The following PAX2 variants were observed in gnomAD, a reference collection of about 807,000 sequenced individuals.
PAX2 encodes the protein paired box protein Pax-2.
Under a neutral mutation model 41.7 loss-of-function variants are expected in PAX2, and 9 were observed. The observed-to-expected ratio is 0.22, with a 90% confidence interval of 0.13 to 0.38. PAX2 has a LOEUF of 0.38. PAX2 is among the 10% of genes least tolerant of loss of function. PAX2 has a pLI of 1.00. For missense variants in PAX2, 418 were observed against 531.6 expected, an observed-to-expected ratio of 0.79 and a Z score of 2.10; for synonymous variants, 221 against 212.7, an observed-to-expected ratio of 1.04 and a Z score of -0.34.
intron 3 of PAX2, among the ~76,000 whole-genome samples, chr10:100,756,957 C>A (rs997546497): frequency 1.3e-5 from 2 of 152,208 alleles, no homozygotes; most frequent in Non-Finnish European, 1.5e-5. Context: ...GTCTCACAAC[C>A]AATGCCCAAA....
chr10:100,813,957 G>C (rs999401299), intron 7 of PAX2, among the ~76,000 whole-genome samples: 2 of 152,156 alleles, frequency 1.3e-5, no homozygotes, highest in Non-Finnish European at 2.9e-5. Flanking sequence ...GGGAAAGTTA[G>C]TAGAAGCAAT....
intron 5 of PAX2, among the ~76,000 whole-genome samples, chr10:100,805,571 G>A (rs1376021542): frequency 6.6e-6 from 1 of 152,218 alleles, no homozygotes; most frequent in Non-Finnish European, 1.5e-5. Context: ...AACGCCTGAG[G>A]AAAGGGGACA....
rs113931113 is a variant in PAX2, at chr10:100,766,262, C to G, written c.411-13236C>G. Among the ~76,000 whole-genome samples, 439 of 152,338 alleles carry G rather than the reference C, an allele frequency of 2.9e-3. 1 individual carries two copies. The highest frequency in any genetic ancestry group is 9.7e-3 in the African/African-American group (405 of 41,576). ...ACTCTGTATATTTTGCAGTCTCTTA[C>G]AAGCTCAAAACAGGAAACCTGCACC... On this transcript the variant is annotated intron_variant, in intron 3 of 9. Coordinates refer to ENST00000355243, the MANE Select transcript of PAX2 (RefSeq NM_000278.5).
At chr10:100,773,562 T>C (rs765904035) in intron 3 of PAX2, among the ~76,000 whole-genome samples, 2 of 152,226 alleles carry the variant, frequency 1.3e-5, no homozygotes, top group Non-Finnish European at 1.5e-5. Flanking sequence ...GATAGATGAA[T>C]AGATACATTT....
intron 3 of PAX2, among the ~76,000 whole-genome samples, chr10:100,762,095 G>A (rs190983323): frequency 3.9e-5 from 6 of 152,060 alleles, no homozygotes; most frequent in East Asian, 3.8e-4. Context: ...TCGGCATGGC[G>A]GCTCACACCT....
chr10:100,774,990 G>C (rs1846334614), intron 3 of PAX2, among the ~76,000 whole-genome samples: 1 of 152,240 alleles, frequency 6.6e-6, no homozygotes, highest in African/African-American at 2.4e-5. Context: ...AAATGGTGGA[G>C]GAGAAAGAGC....
At chr10:100,814,049 T>C (rs1206195870) in intron 7 of PAX2, among the ~76,000 whole-genome samples, 3 of 152,078 alleles carry the variant, frequency 2.0e-5, no homozygotes, top group Non-Finnish European at 4.4e-5. Flanking sequence ...TGTTTAATAT[T>C]CTAAAAAAGA....
intron 3 of PAX2, among the ~76,000 whole-genome samples, chr10:100,772,893 C>T (rs1211212508): frequency 2.0e-5 from 3 of 152,212 alleles, no homozygotes; most frequent in Non-Finnish European, 4.4e-5. Context: ...TGGTGACATA[C>T]TTGGAGATCC....
chr10:100,788,855 T>C (rs1259700323), intron 5 of PAX2, among the ~76,000 whole-genome samples: 1 of 151,854 alleles, frequency 6.6e-6, no homozygotes, highest in African/African-American at 2.4e-5. Context: ...ACCTAATTCT[T>C]GCATGCACAC....
intron 3 of PAX2, among the ~76,000 whole-genome samples, chr10:100,763,482 G>C (rs906770782): frequency 6.6e-6 from 1 of 152,204 alleles, no homozygotes; most frequent in Non-Finnish European, 1.5e-5. Context: ...TTGAAAGGAG[G>C]CTGGGCTGGG....
chr10:100,742,656 T>A (rs989734656), upstream of PAX2, among the ~76,000 whole-genome samples: 10 of 151,690 alleles, frequency 6.6e-5, no homozygotes, highest in African/African-American at 2.2e-4. Context: ...GCGGGCTCCT[T>A]GTTTGAAGTG....
chr10:100,809,377 T>C lies in PAX2; in HGVS notation c.919+141T>C. On this transcript the variant is annotated intron_variant, in intron 7 of 9. Transcript: ENST00000355243. The stretch of plus-strand genomic sequence containing the variant: ...ACGAGGCTTCTAAAACCAGGGTGCT[T>C]CCTGAACAGGGGTGTGCAGATGTGG... 3.6e-6 allele frequency: 3 copies of C among 843,292 alleles called. No individual in the cohort carries two copies. The South Asian group carries it at 4.5e-5, about 13-fold the overall frequency. 52.2% of individuals were successfully genotyped at this position (843,292 alleles called of 1,614,324 possible).
intron 5 of PAX2, among the ~76,000 whole-genome samples, chr10:100,804,619 T>C (rs1259379828): frequency 6.6e-6 from 1 of 152,144 alleles, no homozygotes; most frequent in East Asian, 1.9e-4. Flanking sequence ...GCATGTGGCC[T>C]CACAGTCCTC....
At chr10:100,747,108 G>C (rs1457536053) in intron 1 of PAX2, 1 of 152,320 alleles carries the variant, frequency 6.6e-6, no homozygotes, top group African/African-American at 2.4e-5. Flanking sequence ...AAGTCAGGGA[G>C]AGAGCCAGCA....
At chr10:100,818,104 G>A (rs547635665) in intron 7 of PAX2, among the ~76,000 whole-genome samples, 1 of 152,322 alleles carries the variant, frequency 6.6e-6, no homozygotes, top group African/African-American at 2.4e-5. Flanking sequence ...ATGAGAAGCA[G>A]ACAGAACTTG....
chr10:100,755,044 A>G (rs985708027), intron 3 of PAX2, among the ~76,000 whole-genome samples: 3 of 152,230 alleles, frequency 2.0e-5, no homozygotes, highest in Non-Finnish European at 4.4e-5. Flanking sequence ...CAACATGCCA[A>G]TTTCTGTCAG....
In PAX2 at chr10:100,791,309, C is replaced by T. The variant is rs924401040; in HGVS notation, c.616+9944C>T. 2.6e-5 allele frequency among the ~76,000 whole-genome samples: 4 copies of T among 152,180 alleles called. No homozygotes were observed. Among genetic ancestry groups the T allele is most frequent in the African/African-American group, 9.7e-5 (4 of 41,442 alleles). ...ACACCTTGCCCTTCTCTTTCTGCCC[C>T]AGGCTTCACCTTTTTCAGGAGGACT... On this transcript the variant is annotated intron_variant, in intron 5 of 9. Coordinates refer to ENST00000355243, the MANE Select transcript of PAX2 (RefSeq NM_000278.5). This position sits in a 1 kb window ranked among gnomAD's most constrained non-coding sequence, Gnocchi z 4.5.
intron 3 of PAX2, among the ~76,000 whole-genome samples, chr10:100,777,398 CTTT>C (rs56136871): frequency 8.2e-6 from 1 of 121,910 alleles, no homozygotes. Context: ...CGCATCTGGC[CTTT>C]TTTTTTTTTT....
At position 100,749,831 on chromosome 10, in the gene PAX2, G is replaced by A. The variant is rs773009364; in HGVS notation, c.129G>A (p.Glu43=). Residue 43 remains glutamate, a synonymous_variant, in exon 2 of 10, where the codon GAG becomes GAA. Transcript: ENST00000355243. The part of the protein sequence containing the change: ...LPDVVRQRIV[E]LAHQGVRPCD... ...ACGTGGTGAGGCAGCGCATCGTGGA[G>A]CTGGCCCACCAGGGTGTGCGGCCCT... The A allele has an allele frequency of 3.1e-6, 5 of 1,611,816 alleles. No individual in the cohort carries two copies. The highest frequency in any genetic ancestry group is 4.2e-6 in the Non-Finnish European group (5 of 1,179,132).
Sources: gnomAD v4.1 joint callset for allele counts (sites outside exome capture counted in the v4.1 genomes callset) on GRCh38, gnomAD v4.1.1 for gene constraint, Gnocchi (gnomAD v3.1) non-coding constraint, MANE v1.5 for transcripts, NCBI Gene and HGNC (gene_info 2026-07-23, HGNC 2026-07-21) for gene names.